STXBP5: variants seen among roughly 807,000 people sequenced by gnomAD.
STXBP5 encodes syntaxin binding protein 5.
Under a neutral mutation model 152.4 loss-of-function variants are expected in STXBP5, and 50 were observed. The observed-to-expected ratio is 0.33, with a 90% CI of 0.26 to 0.42. STXBP5 has a LOEUF of 0.42. STXBP5 is among the 10% of genes least tolerant of loss of function. The pLI is 1.00. For synonymous variants in STXBP5, 492 were observed against 494.7 expected (o/e 0.99, Z 0.07); for missense variants, 1,167 against 1,388.6 (o/e 0.84, Z 2.54).
Position 147,260,806 on chromosome 6 carries a change from C to T in STXBP5, c.566+57C>T, listed in dbSNP as rs1035376590. 5.3e-5 allele frequency: 83 copies of T among 1,554,038 alleles called. 1 individual carries two copies. In the African/African-American group the frequency reaches 6.9e-4, roughly 13 times the overall value. ...GCATCAGTTCTATATATAATAATAC[C>T]GTTACATCATAGCCAATCAGTAAAT... On this transcript the variant is annotated intron_variant, in intron 5 of 27. Coordinates refer to ENST00000321680, the MANE Select transcript of STXBP5 (RefSeq NM_001127715.4).
chr6:147,383,022 G>T, intron 27 of STXBP5, 24 bp downstream of exon 27: 1 of 1,610,122 alleles, frequency 6.2e-7, no homozygotes, highest in South Asian at 1.1e-5. Flanking sequence ...ACAGATATTT[G>T]AACAAAAAGC....
In STXBP5 at chr6:147,259,833, A is replaced by G. The variant is rs534935233; in HGVS notation, c.432-782A>G. On this transcript the variant is annotated intron_variant, in intron 4 of 27. Coordinates refer to ENST00000321680, the MANE Select transcript of STXBP5 (RefSeq NM_001127715.4). ...TATGAAAAGGACAAGAGAAAAAAACAGGACAAGACGGTATTCATTCTTTGC... is the reference window on the plus strand; with the variant it reads ...TATGAAAAGGACAAGAGAAAAAAACGGGACAAGACGGTATTCATTCTTTGC... 8.5e-5 allele frequency among the ~76,000 whole-genome samples: 13 copies of G among 152,254 alleles called. No homozygotes were observed. The East Asian group carries it at 2.3e-3, about 27-fold the overall frequency.
intron 17 of STXBP5, 23 bp from the exon 18 acceptor site, chr6:147,327,102 G>GT: frequency 6.2e-7 from 1 of 1,603,598 alleles, no homozygotes; most frequent in Non-Finnish European, 8.5e-7. Flanking sequence ...GTGCTAAAAT[G>GT]TTTGTTATTT....
intron 2 of STXBP5, among the ~76,000 whole-genome samples, chr6:147,230,527 C>T (rs1450366704): frequency 6.6e-6 from 1 of 151,820 alleles, no homozygotes; most frequent in South Asian, 2.1e-4. Flanking sequence ...TAGAATTAGA[C>T]CAATCTGGGT....
chr6:147,239,325 G>T, intron 4 of STXBP5, 55 bp downstream of exon 4: 1 of 1,499,862 alleles, frequency 6.7e-7, no homozygotes, highest in Non-Finnish European at 9.2e-7. Flanking sequence ...ATATTTTCTT[G>T]AATTTCAGTC....
intron 26 of STXBP5, among the ~76,000 whole-genome samples, chr6:147,375,202 G>A (rs946500592): frequency 1.3e-5 from 2 of 152,052 alleles, no homozygotes; most frequent in African/African-American, 4.8e-5. Flanking sequence ...AATAGAAAAG[G>A]CAGAAGGATA....
At chr6:147,246,668 T>C (rs1778823721) in intron 4 of STXBP5, among the ~76,000 whole-genome samples, 1 of 152,174 alleles carries the variant, frequency 6.6e-6, no homozygotes, top group Admixed American at 6.5e-5. Flanking sequence ...TGATGATAGA[T>C]GCATCATTGT....
At chr6:147,269,951 T>G (rs1780076076) in intron 7 of STXBP5, among the ~76,000 whole-genome samples, 1 of 152,072 alleles carries the variant, frequency 6.6e-6, no homozygotes, top group Non-Finnish European at 1.5e-5. Context: ...ACTCAGAGAT[T>G]TAAAGAGTTG....
chr6:147,248,993 A>C (rs1390355559), intron 4 of STXBP5, among the ~76,000 whole-genome samples: 1 of 152,152 alleles, frequency 6.6e-6, no homozygotes, highest in Non-Finnish European at 1.5e-5. Flanking sequence ...ATACCCCCTG[A>C]CAGACAGCAG....
At chr6:147,279,494 T>C (rs184159972) in intron 8 of STXBP5, among the ~76,000 whole-genome samples, 2 of 152,312 alleles carry the variant, frequency 1.3e-5, no homozygotes, top group East Asian at 1.9e-4. Flanking sequence ...AAAGAAACAG[T>C]AAAATTAAAA....
chr6:147,249,348 C>T (rs1266532484), intron 4 of STXBP5, among the ~76,000 whole-genome samples: 1 of 152,036 alleles, frequency 6.6e-6, no homozygotes, highest in Non-Finnish European at 1.5e-5. Flanking sequence ...TTTGGAACTT[C>T]GCAGTGAGTA....
At chr6:147,327,012 A>G in intron 17 of STXBP5, 113 bp from the exon 18 acceptor site, 1 of 960,738 alleles carries the variant, frequency 1.0e-6, no homozygotes, top group South Asian at 1.8e-5. Flanking sequence ...CTTTTGTTTC[A>G]AAGAATTTTC....
At chr6:147,250,312 A>G (rs533362577) in intron 4 of STXBP5, among the ~76,000 whole-genome samples, 16 of 152,238 alleles carry the variant, frequency 1.1e-4, no homozygotes, top group African/African-American at 3.6e-4. Flanking sequence ...CTTTCTCTCA[A>G]TTTCAATGGG....
At chr6:147,205,241 T>C (rs986729347) in intron 1 of STXBP5, among the ~76,000 whole-genome samples, 6 of 152,090 alleles carry the variant, frequency 3.9e-5, no homozygotes, top group African/African-American at 1.4e-4. Context: ...CGTTCTGTAA[T>C]TCAGAAAGAA....
intron 26 of STXBP5, among the ~76,000 whole-genome samples, chr6:147,377,497 A>G (rs752303642): frequency 2.6e-5 from 4 of 152,220 alleles, no homozygotes; most frequent in Non-Finnish European, 5.9e-5. Flanking sequence ...TCAAAATACC[A>G]TAAACTGGGT....
rs1346751995 is a variant in STXBP5, at chr6:147,310,190, T to C, written c.1024T>C (p.Tyr342His). ...GKSTAVLEMD[Y>H]SIVDFLTLCE... The stretch of plus-strand genomic sequence containing the variant: ...AAGCACTGCTGTGCTAGAAATGGAC[T>C]ATTCAATTGTTGATTTTCTAACGCT... The change falls in exon 10 of 28, where the codon TAT becomes CAT. Residue 342 changes from tyrosine (Y) to histidine (H), a missense_variant. Transcript: ENST00000321680. The C allele has an allele frequency of 1.2e-6, 2 of 1,600,136 alleles. No individual in the cohort carries two copies. The highest frequency in any genetic ancestry group is 3.6e-5 in the Admixed American group (2 of 55,952).
intron 21 of STXBP5, among the ~76,000 whole-genome samples, chr6:147,352,814 C>T (rs997470365): frequency 1.3e-5 from 2 of 152,110 alleles, no homozygotes; most frequent in African/African-American, 4.8e-5. Context: ...ATTTAAAAGG[C>T]TCCCTTAAAG....
chr6:147,302,908 T>C (rs1048078710), intron 9 of STXBP5, among the ~76,000 whole-genome samples: 4 of 152,190 alleles, frequency 2.6e-5, no homozygotes, highest in African/African-American at 9.7e-5. Context: ...AATACAAATA[T>C]AGGAGTGAGT....
intron 8 of STXBP5, among the ~76,000 whole-genome samples, chr6:147,284,348 A>G (rs1780852629): frequency 6.6e-6 from 1 of 152,196 alleles, no homozygotes. Context: ...TGTTTTTGTC[A>G]GTAATCTTTA....
Sources: allele counts gnomAD v4.1 joint callset (sites outside exome capture counted in the v4.1 genomes callset), GRCh38; gene constraint gnomAD v4.1.1; transcripts MANE v1.5; gene names NCBI Gene and HGNC (gene_info 2026-07-23, HGNC 2026-07-21).